The following RSKR variants were observed in gnomAD, a reference collection of about 807,000 sequenced individuals.
The protein encoded by RSKR is ribosomal protein S6 kinase-related protein.
RSKR carries 44 observed loss-of-function variants against 56.8 expected under a neutral mutation model. That is an observed-to-expected ratio of 0.77 (90% confidence interval 0.61 to 1.00). The LOEUF is 1.00. Ranked by LOEUF, RSKR falls within the 50% of genes least tolerant of loss-of-function variation. The pLI, the probability that RSKR is intolerant of heterozygous loss-of-function variation, is 0.00. For synonymous variants in RSKR, 181 were observed against 188.0 expected (o/e 0.96, Z 0.30); for missense variants, 510 against 506.9 (o/e 1.01, Z -0.06).
intron 7 of RSKR, 108 bp from the exon 8 acceptor site, chr17:28,611,903 C>T (rs2070820698): frequency 6.2e-7 from 1 of 1,611,044 alleles, no homozygotes; most frequent in Non-Finnish European, 8.5e-7. Context: ...CAAATCTATA[C>T]TCAGAGAGCC....
In RSKR at chr17:28,608,228, T is replaced by C. The variant is rs1437045135; in HGVS notation, c.*2250A>G. ...ACAATCAGCTGAATATTTAGTGTCC[T>C]TAAGGTAAAAACCAAACAGCAATTC... On this transcript the variant is annotated 3_prime_UTR_variant, in exon 12 of 12. Coordinates refer to ENST00000301037, the MANE Select transcript of RSKR (RefSeq NM_001174103.2). The C allele has an allele frequency of 2.0e-5, 3 of 152,190 alleles. No individual in the cohort carries two copies. Among genetic ancestry groups the C allele is most frequent in the Non-Finnish European group, 2.9e-5 (2 of 68,042 alleles). 9.4% of individuals were successfully genotyped at this position (152,190 alleles called of 1,614,324 possible). A position where few individuals can be genotyped will look rare whatever the true frequency, so the allele number is the denominator to read the frequency against.
chr17:28,612,678 TG>T lies in RSKR; in HGVS notation c.486del (p.Asn163ThrfsTer68), dbSNP rs2070836068. On this transcript the variant is annotated frameshift_variant, in exon 5 of 12. Transcript: ENST00000301037. LOFTEE classifies it high-confidence loss of function. ...CKEEVSIQRQ[I>X]NHPFVHSLGD... ...CCCAAGCTGTGTACAAAGGGATGGT[TG>T]ATCTGTCGCTAGGAACAAAGAAAAC... 8 of 1,614,152 alleles carry T rather than the reference TG, an allele frequency of 5.0e-6. No homozygotes were observed. In the East Asian group the frequency reaches 1.8e-4, roughly 36 times the overall value.
Position 28,612,317 on chromosome 17 carries a change from G to A in RSKR, c.597C>T (p.Gly199=), listed in dbSNP as rs1311688670. 1.2e-6 allele frequency: 2 copies of A among 1,614,232 alleles called. No homozygotes were observed. Among genetic ancestry groups the A allele is most frequent in the South Asian group, 1.1e-5 (1 of 91,084 alleles). ...GACGGATGGAAGCCTCAGGAAAGCA[G>A]CCAACAGCCGACCAAAGGGAGTACA... ...TDLYSLWSAV[G]CFPEASIRLF... The change falls in exon 6 of 12, where the codon GGC becomes GGT. Residue 199 remains glycine (G), a synonymous_variant. Transcript: ENST00000301037.
In RSKR at chr17:28,612,294, CGGAT is replaced by C; in HGVS notation, c.616_619del (p.Ile206ValfsTer24). The C allele has an allele frequency of 2.5e-6, 4 of 1,614,208 alleles. No individual in the cohort carries two copies. The highest frequency in any genetic ancestry group is 2.5e-6 in the Non-Finnish European group (3 of 1,180,036). ...CAGCACCAACTCGGCAGCAAAGAGA[CGGAT>C]GGAAGCCTCAGGAAAGCAGCCAACA... On this transcript the variant is annotated frameshift_variant, in exon 6 of 12. Coordinates refer to ENST00000301037, the MANE Select transcript of RSKR (RefSeq NM_001174103.2). LOFTEE classifies it high-confidence loss of function.
At position 28,613,478 on chromosome 17, in the gene RSKR, ACT is replaced by A. The variant is rs139452498; in HGVS notation, c.284_285del (p.Glu95ValfsTer4). ...VPQFINLFLP[E>X]FPIRPIRGQQ... ...TGCCCCCTAATGGGCCTAATGGGAAACTCTGGTAGAAAGAGGTTGATGAACTG... is the reference window on the plus strand; with the variant it reads ...TGCCCCCTAATGGGCCTAATGGGAAACTGGTAGAAAGAGGTTGATGAACTG... On this transcript the variant is annotated frameshift_variant, in exon 2 of 12. Coordinates refer to ENST00000301037, the MANE Select transcript of RSKR (RefSeq NM_001174103.2). LOFTEE classifies it high-confidence loss of function. 270 of 1,613,976 alleles carry A rather than the reference ACT, an allele frequency of 1.7e-4. No homozygotes were observed. In the African/African-American group the frequency reaches 2.9e-3, roughly 17 times the overall value.
In RSKR at chr17:28,612,054, C is replaced by G; in HGVS notation, c.683G>C (p.Arg228Pro). ...AGCACTTAACTCTACCTTCACATCT[C>G]GATGCATGATGCCCAAGTCATGGAG... ...CYLHDLGIMH[R>P]DVKMENILLD... Residue 228 changes from arginine to proline, a missense_variant, in exon 7 of 12, where the codon CGA (arginine) becomes CCA (proline). Transcript: ENST00000301037. 1 of 1,614,188 alleles carries G rather than the reference C, an allele frequency of 6.2e-7. No homozygotes were observed. The highest frequency in any genetic ancestry group is 8.5e-7 in the Non-Finnish European group (1 of 1,180,032).
Position 28,611,485 on chromosome 17 carries a change from C to A in RSKR, c.812-4G>T, listed in dbSNP as rs780039588. The A allele has an allele frequency of 1.3e-6, 2 of 1,594,400 alleles. No individual in the cohort carries two copies. Among genetic ancestry groups the A allele is most frequent in the South Asian group, 1.1e-5 (1 of 88,764 alleles). ...CCTCCACTTAGGACCTCTGGGGCTA[C>A]AGATTTCAAAGATACTCATCACAGA... is the stretch of plus-strand genomic sequence containing the variant. On this transcript the variant is annotated splice_region_variant and splice_polypyrimidine_tract_variant and intron_variant, in intron 9 of 11. Coordinates refer to ENST00000301037, the MANE Select transcript of RSKR (RefSeq NM_001174103.2).
In RSKR at chr17:28,610,580, G is replaced by A; in HGVS notation, c.1131C>T (p.Val377=). The A allele has an allele frequency of 6.5e-7, 1 of 1,535,994 alleles. No individual in the cohort carries two copies. Among genetic ancestry groups the A allele is most frequent in the Non-Finnish European group, 8.7e-7 (1 of 1,146,886 alleles). ...ELLQKQPVNF[V]TETQATQPSS... ...TGGGCTGGGTAGCTTGTGTCTCCGT[G>A]ACAAAGTTCACTGGCTGCTTCTGTA... The change falls in exon 12 of 12, where the codon GTC becomes GTT. Residue 377 remains valine (V), a synonymous_variant. Transcript: ENST00000301037.
chr17:28,613,356 G>A lies in RSKR; in HGVS notation c.325-11C>T, dbSNP rs1187278966. ...CACGAGGCCTAAAATCTGTACAGAG[G>A]AATGGAGAACAGGCCAGTTGAGACT... On this transcript the variant is annotated splice_polypyrimidine_tract_variant and intron_variant, in intron 2 of 11. Coordinates refer to ENST00000301037, the MANE Select transcript of RSKR (RefSeq NM_001174103.2). 1 of 1,614,080 alleles carries A rather than the reference G, an allele frequency of 6.2e-7. No homozygotes were observed. Among genetic ancestry groups the A allele is most frequent in the African/African-American group, 1.3e-5 (1 of 74,934 alleles).
intron 1 of RSKR, 154 bp from the exon 2 acceptor site, chr17:28,613,842 G>A: frequency 8.5e-7 from 1 of 1,176,860 alleles, no homozygotes. Context: ...TTTGTGCTAA[G>A]CCCCAGATTT....
In RSKR at chr17:28,607,987, T is replaced by G. The variant is rs2070766357; in HGVS notation, c.*2491A>C. ...ATAAAGGATACATTGCCTTATTTAT[T>G]TATATCCCAACCTTATTACAAAAAG... On this transcript the variant is annotated 3_prime_UTR_variant, in exon 12 of 12. Coordinates refer to ENST00000301037, the MANE Select transcript of RSKR (RefSeq NM_001174103.2). 6.6e-6 allele frequency: 1 copy of G among 152,332 alleles called. No homozygotes were observed. The highest frequency in any genetic ancestry group is 6.5e-5 in the Admixed American group (1 of 15,302). 9.4% of individuals were successfully genotyped at this position (152,332 alleles called of 1,614,324 possible). A position where few individuals can be genotyped will look rare whatever the true frequency, so the allele number is the denominator to read the frequency against.
At chr17:28,611,918 C>T in intron 7 of RSKR, 123 bp from the exon 8 acceptor site, 1 of 1,611,464 alleles carries the variant, frequency 6.2e-7, no homozygotes, top group East Asian at 2.2e-5. Context: ...AGAGCCCTTC[C>T]CCAAATCCTT....
rs1567632657 is a variant in RSKR at position 28,610,546 on chromosome 17, C to T, written c.1165G>A (p.Glu389Lys). The T allele has an allele frequency of 1.3e-6, 2 of 1,536,062 alleles. No individual in the cohort carries two copies. Among genetic ancestry groups the T allele is most frequent in the Middle Eastern group, 3.3e-4 (2 of 5,992 alleles). The change falls in exon 12 of 12, where the codon GAG (glutamate) becomes AAG (lysine). Residue 389 changes from glutamate to lysine, a missense_variant. Glu to Lys is a moderately conservative substitution (Grantham distance 56). Transcript: ENST00000301037. Reference protein sequence around the residue: ...ETQATQPSSAETMPFDDFDCD... With the variant: ...ETQATQPSSAKTMPFDDFDCD... ...TCAAAGTCGTCAAAGGGCATGGTCT[C>T]CGCTGAACTGGGCTGGGTAGCTTGT...
intron 7 of RSKR, 68 bp from the exon 8 acceptor site, chr17:28,611,863 C>T (rs1597607478): frequency 6.2e-7 from 1 of 1,613,226 alleles, no homozygotes; most frequent in South Asian, 1.1e-5. Context: ...TGTATACACC[C>T]CAGCTGAAGG....
chr17:28,612,013 C>CA, intron 7 of RSKR, 31 bp downstream of exon 7: 1 of 1,614,106 alleles, frequency 6.2e-7, no homozygotes, highest in Non-Finnish European at 8.5e-7. Flanking sequence ...GACTCTTTCT[C>CA]AGACAAAGGG....
chr17:28,610,594 G>A lies in RSKR; in HGVS notation c.1117C>T (p.Pro373Ser). The A allele has an allele frequency of 2.0e-6, 3 of 1,536,026 alleles. No homozygotes were observed. Among genetic ancestry groups the A allele is most frequent in the Non-Finnish European group, 2.6e-6 (3 of 1,146,896 alleles). The change falls in exon 12 of 12, where the codon CCA (proline) becomes TCA (serine). Residue 373 changes from proline to serine, a missense_variant. Coordinates refer to ENST00000301037, the MANE Select transcript of RSKR (RefSeq NM_001174103.2). ...AFDPELLQKQ[P>S]VNFVTETQAT... ...TGTGTCTCCGTGACAAAGTTCACTG[G>A]CTGCTTCTGTAGGAGCTCTGGGTCG...
rs750252403 is a variant in RSKR, at chr17:28,613,179, A to C, written c.409-33T>G. 1.9e-6 allele frequency: 3 copies of C among 1,613,238 alleles called. No individual in the cohort carries two copies. The East Asian group carries it at 6.7e-5, about 36-fold the overall frequency. Reference sequence around the variant, plus strand: ...AGGAGAGTAGTGATGACTCATAGATAGTGCTATTGAATTGTTTATTCCTCC... The same window carrying C: ...AGGAGAGTAGTGATGACTCATAGATCGTGCTATTGAATTGTTTATTCCTCC... On this transcript the variant is annotated intron_variant, in intron 3 of 11. Coordinates refer to ENST00000301037, the MANE Select transcript of RSKR (RefSeq NM_001174103.2).
rs867274672 is a variant in RSKR at position 28,609,576 on chromosome 17, A to G, written c.*902T>C. On this transcript the variant is annotated 3_prime_UTR_variant, in exon 12 of 12. Coordinates refer to ENST00000301037, the MANE Select transcript of RSKR (RefSeq NM_001174103.2). ...TTGCAGACTGGCCTCAAGCTCCCAGACTATATTTTTTAGCTGCATTATTTA... is the reference window on the plus strand; with the variant it reads ...TTGCAGACTGGCCTCAAGCTCCCAGGCTATATTTTTTAGCTGCATTATTTA... 6.4e-4 allele frequency: 98 copies of G among 152,088 alleles called. 1 individual carries two copies. Among genetic ancestry groups the G allele is most frequent in the African/African-American group, 2.2e-3 (93 of 41,466 alleles). The allele number at this position is 152,088 out of a possible 1,614,324, so 9.4% of individuals were successfully genotyped here.
chr17:28,611,947 A>T (rs536610352), intron 7 of RSKR, 97 bp downstream of exon 7: 94 of 1,613,032 alleles, frequency 5.8e-5, no homozygotes, highest in Non-Finnish European at 7.9e-5. Context: ...TGGGGGCCCC[A>T]ATGTCTACAG....
Sources: gnomAD v4.1 joint callset for allele counts on GRCh38, gnomAD v4.1.1 for gene constraint, MANE v1.5 for transcripts, NCBI Gene and HGNC (gene_info 2026-07-23, HGNC 2026-07-21) for gene names.